LRMDA: variants seen among roughly 807,000 people sequenced by gnomAD.
LRMDA encodes the protein leucine-rich melanocyte differentiation-associated protein.
A neutral mutation model predicts 29.8 loss-of-function variants in LRMDA; 18 were observed. The observed-to-expected ratio is 0.60, with a 90% CI of 0.42 to 0.90. The LOEUF is 0.90. LRMDA is among the 40% of genes least tolerant of loss of function. LRMDA has a pLI of 0.00. For synonymous variants in LRMDA, 125 were observed against 109.4 expected (o/e 1.14, Z -0.89); for missense variants, 273 against 273.9 (o/e 1.00, Z 0.02).
chr10:75,887,234 G>A (rs1373413870), intron 2 of LRMDA, among the ~76,000 whole-genome samples: 1 of 151,322 alleles, frequency 6.6e-6, no homozygotes, highest in East Asian at 1.9e-4. Flanking sequence ...GAAAAATACT[G>A]GCTTTGGAGA....
At chr10:75,991,289 T>A (rs1219259159) in intron 2 of LRMDA, among the ~76,000 whole-genome samples, 3 of 152,168 alleles carry the variant, frequency 2.0e-5, no homozygotes, top group Non-Finnish European at 2.9e-5. Flanking sequence ...ATGGACATTT[T>A]AAAAAATACG....
At chr10:75,925,170 G>A (rs1302671788) in intron 2 of LRMDA, among the ~76,000 whole-genome samples, 4 of 152,286 alleles carry the variant, frequency 2.6e-5, no homozygotes, top group African/African-American at 9.6e-5. Context: ...CTATGTAAGA[G>A]GATTGTGAGT....
Position 76,449,416 on chromosome 10 carries a change from G to C in LRMDA, c.602-107793G>C, listed in dbSNP as rs916265477. Among the ~76,000 whole-genome samples, 6 of 151,828 alleles carry C rather than the reference G, an allele frequency of 4.0e-5. 1 individual carries two copies. In the South Asian group the frequency reaches 1.2e-3, roughly 32 times the overall value. On this transcript the variant is annotated intron_variant, in intron 6 of 6. Coordinates refer to ENST00000611255, the MANE Select transcript of LRMDA (RefSeq NM_001305581.2). ...ATATTATCTTCTTTTCCCAGATATTGCTTTCTGACTTATATATTGTTGCTA... is the reference window on the plus strand; with the variant it reads ...ATATTATCTTCTTTTCCCAGATATTCCTTTCTGACTTATATATTGTTGCTA...
intron 2 of LRMDA, among the ~76,000 whole-genome samples, chr10:75,817,880 G>A (rs1301134929): frequency 6.6e-6 from 1 of 152,164 alleles, no homozygotes; most frequent in Non-Finnish European, 1.5e-5. Context: ...TCACGTAAGA[G>A]TAAGACTGAG....
At chr10:76,040,587 T>A (rs982784497) in intron 3 of LRMDA, among the ~76,000 whole-genome samples, 89 of 151,978 alleles carry the variant, frequency 5.9e-4, no homozygotes, top group African/African-American at 2.1e-3. Flanking sequence ...TCTCTCTCTC[T>A]CACACCCAAC....
intron 2 of LRMDA, among the ~76,000 whole-genome samples, chr10:75,642,000 G>A (rs1352908992): frequency 6.6e-6 from 1 of 152,148 alleles, no homozygotes; most frequent in Non-Finnish European, 1.5e-5. Flanking sequence ...TCCTCACATA[G>A]CAAACATGGG....
At chr10:75,700,587 G>A (rs1842293307) in intron 2 of LRMDA, among the ~76,000 whole-genome samples, 1 of 151,802 alleles carries the variant, frequency 6.6e-6, no homozygotes, top group Non-Finnish European at 1.5e-5. Context: ...TGTGTATGTT[G>A]TGTATATTTT....
chr10:75,781,331 G>T (rs1176567183), intron 2 of LRMDA, among the ~76,000 whole-genome samples: 1 of 152,122 alleles, frequency 6.6e-6, no homozygotes, highest in Admixed American at 6.6e-5. Context: ...ATTTCTCCCA[G>T]GGACTCCTTT....
At chr10:75,814,787 G>A (rs111599447) in intron 2 of LRMDA, among the ~76,000 whole-genome samples, 300 of 152,340 alleles carry the variant, frequency 2.0e-3, no homozygotes, top group Non-Finnish European at 3.5e-3. Context: ...CTTAAGATGC[G>A]TGTTAGAAAT....
rs558079161 is a variant in LRMDA, at chr10:75,497,287, A to C, written c.131+58793A>C. ...GTTTGAAGGATTGTATAGTGGACAC[A>C]TGGATATGCCCACTATTGAGATTCT... On this transcript the variant is annotated intron_variant, in intron 2 of 6. Coordinates refer to ENST00000611255, the MANE Select transcript of LRMDA (RefSeq NM_001305581.2). Among the ~76,000 whole-genome samples, 20 of 152,272 alleles carry C rather than the reference A, an allele frequency of 1.3e-4. No individual in the cohort carries two copies. In the South Asian group the frequency reaches 3.9e-3, roughly 30 times the overall value.
chr10:76,526,427 G>T (rs1843174902), intron 6 of LRMDA, among the ~76,000 whole-genome samples: 2 of 152,158 alleles, frequency 1.3e-5, no homozygotes, highest in Admixed American at 6.5e-5. Flanking sequence ...GCAAGATGAA[G>T]AAGGATGTCT....
At chr10:76,209,429 C>T (rs928074742) in intron 5 of LRMDA, among the ~76,000 whole-genome samples, 5 of 152,118 alleles carry the variant, frequency 3.3e-5, no homozygotes, top group African/African-American at 1.2e-4. Context: ...TCTGGGCCTT[C>T]GTCTTCTGTT....
chr10:76,247,192 A>G (rs1852392252), intron 5 of LRMDA, among the ~76,000 whole-genome samples: 2 of 152,182 alleles, frequency 1.3e-5, no homozygotes, highest in Admixed American at 6.5e-5. Context: ...ACTTAAATAG[A>G]TGACTGTTTA....
intron 2 of LRMDA, among the ~76,000 whole-genome samples, chr10:75,799,127 GAGGCATGTTTATTCTTTATCCAC>G (rs1843703614): frequency 6.6e-6 from 1 of 152,206 alleles, no homozygotes; most frequent in Non-Finnish European, 1.5e-5. Flanking sequence ...AGTTCTGAGA[GAGGCATGTTTATTCTTTATCCAC>G]AGGCATGTTT....
chr10:75,850,150 T>C (rs1463083367), intron 2 of LRMDA, among the ~76,000 whole-genome samples: 5 of 152,188 alleles, frequency 3.3e-5, no homozygotes, highest in African/African-American at 7.2e-5. Context: ...TATGAGCACC[T>C]TGATGGTCTG....
chr10:75,931,483 G>T (rs1009038348), intron 2 of LRMDA, among the ~76,000 whole-genome samples: 3 of 152,182 alleles, frequency 2.0e-5, no homozygotes, highest in Admixed American at 1.3e-4. Context: ...ATCAGCGGGG[G>T]AATCATCTCA....
In LRMDA at chr10:76,557,664, T is replaced by C; in HGVS notation, c.*376T>C. 4.4e-6 allele frequency: 1 copy of C among 224,964 alleles called. No homozygotes were observed. The highest frequency in any genetic ancestry group is 8.8e-6 in the Non-Finnish European group (1 of 113,610). 13.9% of individuals were successfully genotyped at this position (224,964 alleles called of 1,614,324 possible). ...CCCTGGACATGCTCAGTGGCTGCAGTCAAGTGAGAAAGACTGTCCTCAGCT... is the reference window on the plus strand; with the variant it reads ...CCCTGGACATGCTCAGTGGCTGCAGCCAAGTGAGAAAGACTGTCCTCAGCT... On this transcript the variant is annotated 3_prime_UTR_variant, in exon 7 of 7. Coordinates refer to ENST00000611255, the MANE Select transcript of LRMDA (RefSeq NM_001305581.2).
At chr10:75,551,505 C>G (rs1840147080) in intron 2 of LRMDA, among the ~76,000 whole-genome samples, 2 of 151,890 alleles carry the variant, frequency 1.3e-5, no homozygotes, top group Admixed American at 1.3e-4. Flanking sequence ...CCCAACAGGC[C>G]CCAGTGTGTG....
At chr10:75,818,344 T>G (rs1449925104) in intron 2 of LRMDA, among the ~76,000 whole-genome samples, 1 of 152,190 alleles carries the variant, frequency 6.6e-6, no homozygotes, top group Non-Finnish European at 1.5e-5. Context: ...AAATCATAAC[T>G]GTCATATGTC....
Sources: gnomAD v4.1 joint callset for allele counts (sites outside exome capture counted in the v4.1 genomes callset) on GRCh38, gnomAD v4.1.1 for gene constraint, MANE v1.5 for transcripts, NCBI Gene and HGNC (gene_info 2026-07-23, HGNC 2026-07-21) for gene names.